Variants in SMC1B observed in about 807,000 individuals in gnomAD.
The protein encoded by SMC1B is structural maintenance of chromosomes protein 1B.
In SMC1B, 60 loss-of-function variants were observed where a neutral mutation model predicts 157.9. The observed-to-expected ratio is 0.38, with a 90% CI of 0.31 to 0.47. SMC1B has a LOEUF of 0.47. Among genes scored for constraint, SMC1B ranks in the 20% least tolerant of loss-of-function variants. The pLI is 0.99. For missense variants in SMC1B, 1,165 were observed against 1,426.2 expected, an observed-to-expected ratio of 0.82 and a Z score of 2.95; for synonymous variants, 445 against 483.0, an observed-to-expected ratio of 0.92 and a Z score of 1.03.
chr22:45,386,779 T>C (rs2086993818), intron 11 of SMC1B, 88 bp downstream of exon 11: 2 of 1,186,362 alleles, frequency 1.7e-6, no homozygotes, highest in Admixed American at 2.2e-5. Context: ...AAAACGCATA[T>C]GTAAATATTT....
chr22:45,393,693 G>T lies in SMC1B; in HGVS notation c.1486C>A (p.Arg496Ser). ...NAGIDTHEGK[R>S]QQKRAEVLEH... ...AGAACCTCTGCTCTCTTTTGCTGAC[G>T]TTTTCCCTCATGGGTATCAATCCCA... The change falls in exon 9 of 25, where the codon CGT becomes AGT. Residue 496 changes from arginine (R) to serine (S), a missense_variant. Arg to Ser is a moderately radical substitution (Grantham distance 110). Transcript: ENST00000357450. 2.5e-6 allele frequency: 4 copies of T among 1,614,022 alleles called. No individual in the cohort carries two copies. The highest frequency in any genetic ancestry group is 3.4e-6 in the Non-Finnish European group (4 of 1,179,976).
chr22:45,352,721 C>T, intron 21 of SMC1B, 119 bp from the exon 22 acceptor site: 1 of 940,026 alleles, frequency 1.1e-6, no homozygotes, highest in Non-Finnish European at 1.6e-6. Flanking sequence ...GGAAAACTAC[C>T]AATGCCTATA....
rs757430968 is a variant in SMC1B at position 45,372,324 on chromosome 22, A to C, written c.2059-32T>G. ...GGAAAGAAAAACATGAGAATATTTT[A>C]TGATAGAAAAGCACTTTCACTTTTC... On this transcript the variant is annotated intron_variant, in intron 12 of 24. Coordinates refer to ENST00000357450, the MANE Select transcript of SMC1B (RefSeq NM_148674.5). 5 of 1,552,408 alleles carry C rather than the reference A, an allele frequency of 3.2e-6. No individual in the cohort carries two copies. The African/African-American group carries it at 6.9e-5, about 22-fold the overall frequency.
intron 15 of SMC1B, among the ~76,000 whole-genome samples, chr22:45,363,657 C>G (rs943773739): frequency 6.6e-6 from 1 of 151,592 alleles, no homozygotes; most frequent in African/African-American, 2.4e-5. Context: ...GCCTGGGTGA[C>G]AAAGTGAGAC....
At chr22:45,377,756 G>A (rs533864544) in intron 12 of SMC1B, among the ~76,000 whole-genome samples, 5 of 151,726 alleles carry the variant, frequency 3.3e-5, no homozygotes, top group Non-Finnish European at 5.9e-5. Context: ...GGCTGGTCTC[G>A]AACTCCTGGG....
At chr22:45,345,138 T>G (rs1050642622) in intron 24 of SMC1B, among the ~76,000 whole-genome samples, 3 of 152,216 alleles carry the variant, frequency 2.0e-5, no homozygotes, top group African/African-American at 7.2e-5. Context: ...TTGTTTTTGC[T>G]TAAAACACTG....
intron 16 of SMC1B, 86 bp from the exon 17 acceptor site, chr22:45,362,070 G>C: frequency 1.5e-6 from 2 of 1,343,178 alleles, no homozygotes; most frequent in Non-Finnish European, 2.0e-6. Context: ...CACCAAACCA[G>C]TTATCCCGAG....
Position 45,399,258 on chromosome 22 carries a change from T to G in SMC1B, c.950A>C (p.Lys317Thr). 1 of 1,614,162 alleles carries G rather than the reference T, an allele frequency of 6.2e-7. No homozygotes were observed. The highest frequency in any genetic ancestry group is 1.3e-5 in the African/African-American group (1 of 75,060). ...HHLKKLDVAK[K>T]SIKDSEKQCS... is the part of the protein sequence containing the mutation. The stretch of plus-strand genomic sequence containing the variant: ...TTGTTTTTCGCTGTCCTTTATTGAT[T>G]TCTTAGCCACATCTAATTTCTTAAG... The change falls in exon 6 of 25, where the codon AAA becomes ACA. Residue 317 changes from lysine (K) to threonine (T), a missense_variant. Lys to Thr is a moderately conservative substitution (Grantham distance 78). Transcript: ENST00000357450.
intron 16 of SMC1B, 122 bp from the exon 17 acceptor site, chr22:45,362,106 C>T: frequency 1.0e-6 from 1 of 991,798 alleles, no homozygotes; most frequent in Non-Finnish European, 1.5e-6. Flanking sequence ...CTATGTGCTA[C>T]CTGACCTTCC....
chr22:45,378,891 A>C (rs948241701), intron 12 of SMC1B, among the ~76,000 whole-genome samples: 24 of 152,252 alleles, frequency 1.6e-4, no homozygotes, highest in African/African-American at 4.8e-4. Context: ...TTTTAACCTT[A>C]AAGTTCACAT....
At chr22:45,350,302 G>T (rs1408836671) in intron 22 of SMC1B, among the ~76,000 whole-genome samples, 11 of 142,472 alleles carry the variant, frequency 7.7e-5, no homozygotes, top group African/African-American at 2.6e-4. Flanking sequence ...TTTTTGAGAT[G>T]GAGTCCCGCT....
chr22:45,354,909 A>G, intron 20 of SMC1B, 50 bp downstream of exon 20: 4 of 1,577,170 alleles, frequency 2.5e-6, no homozygotes, highest in Non-Finnish European at 3.5e-6. Context: ...TGTTATAGCA[A>G]TCAAAACACC....
At chr22:45,360,985 T>C (rs2146776486) in intron 17 of SMC1B, among the ~76,000 whole-genome samples, 1 of 152,242 alleles carries the variant, frequency 6.6e-6, no homozygotes, top group African/African-American at 2.4e-5. Flanking sequence ...TTTTTTTTTT[T>C]TTTTGAGACA....
chr22:45,354,248 G>T, intron 20 of SMC1B, 116 bp from the exon 21 acceptor site: 1 of 764,888 alleles, frequency 1.3e-6, no homozygotes. Flanking sequence ...CTTGAGTAAA[G>T]GTACCTTCAA....
intron 15 of SMC1B, among the ~76,000 whole-genome samples, chr22:45,369,121 G>A (rs1024129274): frequency 1.1e-4 from 16 of 150,624 alleles, no homozygotes; most frequent in Non-Finnish European, 4.4e-5. Flanking sequence ...TTTTTGAGAC[G>A]GAATCTTGCT....
intron 12 of SMC1B, among the ~76,000 whole-genome samples, chr22:45,375,504 A>G (rs1293369201): frequency 1.3e-5 from 2 of 152,244 alleles, no homozygotes. Flanking sequence ...CCAAGACTAC[A>G]TTGAATAGTG....
At chr22:45,370,851 T>C (rs2086824308) in intron 14 of SMC1B, among the ~76,000 whole-genome samples, 1 of 152,198 alleles carries the variant, frequency 6.6e-6, no homozygotes, top group Non-Finnish European at 1.5e-5. Context: ...AAACTAGGGA[T>C]ATTTAACCTG....
At position 45,349,744 on chromosome 22, in the gene SMC1B, T is replaced by C. The variant is rs751688095; in HGVS notation, c.3479A>G (p.Asn1160Ser). ...GAAACTTACTTTGCCTATGTTAGTA[T>C]TGTCTAGGGCTGCATCCACTTCATC... The part of the protein sequence containing the change: ...VLDEVDAALD[N>S]TNIGKVSSYI... Residue 1160 changes from asparagine to serine, a missense_variant, in exon 23 of 25, where the codon AAT becomes AGT. Coordinates refer to ENST00000357450, the MANE Select transcript of SMC1B (RefSeq NM_148674.5). 1.2e-5 allele frequency: 19 copies of C among 1,612,872 alleles called. No homozygotes were observed. Among genetic ancestry groups the C allele is most frequent in the Non-Finnish European group, 1.6e-5 (19 of 1,179,672 alleles).
chr22:45,409,169 G>C (rs1253589591), intron 1 of SMC1B, among the ~76,000 whole-genome samples: 2 of 152,098 alleles, frequency 1.3e-5, no homozygotes, highest in Admixed American at 1.3e-4. Flanking sequence ...TCACACCATG[G>C]CAAATCATTT....
Sources: allele counts gnomAD v4.1 joint callset (sites outside exome capture counted in the v4.1 genomes callset), GRCh38; gene constraint gnomAD v4.1.1; transcripts MANE v1.5; gene names NCBI Gene and HGNC (gene_info 2026-07-23, HGNC 2026-07-21).